Variants in SPMAP2L observed in about 807,000 individuals in gnomAD.
SPMAP2L encodes the protein sperm microtubule associated protein 2-like.
the SPMAP2L span, chr4:56,559,466 G>C: frequency 6.5e-7 from 1 of 1,533,146 alleles, no homozygotes; most frequent in Non-Finnish European, 8.7e-7. Flanking sequence ...CTGACCAAAA[G>C]ACTTGAGAAC....
the SPMAP2L span, among the ~76,000 whole-genome samples, chr4:56,543,217 G>A: frequency 6.6e-6 from 1 of 151,694 alleles, no homozygotes; most frequent in African/African-American, 2.4e-5. Context: ...CCGAGTAGCT[G>A]GGACTACAGG....
the SPMAP2L span, chr4:56,584,569 A>T: frequency 6.5e-7 from 1 of 1,535,424 alleles, no homozygotes; most frequent in Non-Finnish European, 8.7e-7. Flanking sequence ...TACAACTCTC[A>T]GTAGCCAAAG....
chr4:56,559,352 C>CA, the SPMAP2L span: 1 of 1,207,692 alleles, frequency 8.3e-7, no homozygotes, highest in Non-Finnish European at 1.0e-6. Context: ...CACTAGCAAT[C>CA]AATTTTTTTT....
the SPMAP2L span, among the ~76,000 whole-genome samples, chr4:56,534,117 A>G: frequency 6.6e-6 from 1 of 152,120 alleles, no homozygotes; most frequent in East Asian, 1.9e-4. Context: ...AAATTTCTCA[A>G]TTGAATTGCC....
At chr4:56,597,903 C>T in the SPMAP2L span, among the ~76,000 whole-genome samples, 1 of 152,114 alleles carries the variant, frequency 6.6e-6, no homozygotes, top group South Asian at 2.1e-4. Flanking sequence ...TGCTCTGTCA[C>T]CCAGGCTGGA....
the SPMAP2L span, among the ~76,000 whole-genome samples, chr4:56,609,026 T>C: frequency 2.0e-5 from 3 of 151,408 alleles, no homozygotes; most frequent in East Asian, 1.9e-4. Flanking sequence ...GATATCACTA[T>C]TGTCTTTTTT....
the SPMAP2L span, among the ~76,000 whole-genome samples, chr4:56,614,296 G>A: frequency 6.6e-6 from 1 of 152,212 alleles, no homozygotes; most frequent in Non-Finnish European, 1.5e-5. Context: ...AGTGAAGACT[G>A]TGGAAAAATA....
chr4:56,563,401 A>G, the SPMAP2L span, among the ~76,000 whole-genome samples: 15 of 151,218 alleles, frequency 9.9e-5, no homozygotes, highest in Non-Finnish European at 2.1e-4. Flanking sequence ...ACAGTGCCTG[A>G]CCTGCTATTA....
the SPMAP2L span, chr4:56,530,769 C>T: frequency 6.5e-7 from 1 of 1,535,364 alleles, no homozygotes; most frequent in South Asian, 1.2e-5. Context: ...CCGAAGTCTT[C>T]CAGAAGCCCA....
At chr4:56,595,154 C>A in the SPMAP2L span, 4 of 1,611,350 alleles carry the variant, frequency 2.5e-6, no homozygotes, top group Non-Finnish European at 3.4e-6. Context: ...ACGGAAACTG[C>A]GATATTAAAT....
chr4:56,601,865 T>C, the SPMAP2L span, among the ~76,000 whole-genome samples: 1 of 152,092 alleles, frequency 6.6e-6, no homozygotes, highest in Non-Finnish European at 1.5e-5. Flanking sequence ...TGAAACAGAT[T>C]CTAGAACACA....
chr4:56,593,839 G>A, the SPMAP2L span: 3 of 1,610,984 alleles, frequency 1.9e-6, no homozygotes, highest in South Asian at 2.2e-5. Context: ...TGGCAGCCAT[G>A]TTTGCAATCT....
the SPMAP2L span, among the ~76,000 whole-genome samples, chr4:56,580,729 C>T: frequency 1.0e-3 from 158 of 151,888 alleles, 1 homozygote; most frequent in Non-Finnish European, 1.9e-4. Context: ...ATCTTGTATG[C>T]AGAAAATCTT....
At chr4:56,533,822 C>T in the SPMAP2L span, among the ~76,000 whole-genome samples, 1 of 151,664 alleles carries the variant, frequency 6.6e-6, no homozygotes, top group Non-Finnish European at 1.5e-5. Flanking sequence ...CATGGTGGCA[C>T]ATACCTGTAG....
chr4:56,552,695 T>A, the SPMAP2L span: 4 of 772,208 alleles, frequency 5.2e-6, no homozygotes, highest in Admixed American at 6.2e-5. Flanking sequence ...TCCATCCACC[T>A]CTACTTAACT....
the SPMAP2L span, among the ~76,000 whole-genome samples, chr4:56,554,251 A>G: frequency 6.6e-6 from 1 of 152,214 alleles, no homozygotes; most frequent in Non-Finnish European, 1.5e-5. Flanking sequence ...TAACTTTGTA[A>G]GAAACTACTA....
chr4:56,575,786 G>A, the SPMAP2L span: 9 of 781,602 alleles, frequency 1.2e-5, 1 homozygote, highest in Non-Finnish European at 1.7e-5. Flanking sequence ...TCAAATATTT[G>A]CAGCTATTGT....
At chr4:56,568,771 T>C in the SPMAP2L span, among the ~76,000 whole-genome samples, 1 of 152,212 alleles carries the variant, frequency 6.6e-6, no homozygotes, top group Non-Finnish European at 1.5e-5. Flanking sequence ...CACTTTGTCT[T>C]CCCTAAAAGA....
the SPMAP2L span, among the ~76,000 whole-genome samples, chr4:56,535,050 C>T: frequency 1.3e-5 from 2 of 152,196 alleles, no homozygotes; most frequent in African/African-American, 4.8e-5. Context: ...AATGGCACCA[C>T]CATTTATTTA....
Sources: gnomAD v4.1 joint callset for allele counts (sites outside exome capture counted in the v4.1 genomes callset) on GRCh38, gnomAD v4.1.1 for gene constraint, MANE v1.5 for transcripts, NCBI Gene and HGNC (gene_info 2026-07-23, HGNC 2026-07-21) for gene names.